BCAS3: variants seen among roughly 807,000 people sequenced by gnomAD.
The protein encoded by BCAS3 is BCAS4/BCAS3 fusion.
Under a neutral mutation model 116.1 loss-of-function variants are expected in BCAS3, and 53 were observed. The ratio of observed to expected loss-of-function variants is 0.46; its 90% CI spans 0.37 to 0.57. The LOEUF (loss-of-function observed/expected upper bound fraction) is 0.57. Ranked by LOEUF, BCAS3 falls within the 20% of genes least tolerant of loss-of-function variation. The pLI, the probability that BCAS3 is intolerant of heterozygous loss-of-function variation, is 0.00. For synonymous variants in BCAS3, 391 were observed against 408.2 expected, an observed-to-expected ratio of 0.96 and a Z score of 0.51; for missense variants, 917 against 1,165.4, an observed-to-expected ratio of 0.79 and a Z score of 3.10.
chr17:61,257,330 A>G (rs935524395), intron 22 of BCAS3, among the ~76,000 whole-genome samples: 1 of 151,406 alleles, frequency 6.6e-6, no homozygotes, highest in East Asian at 2.0e-4. Context: ...CTAAGGCAGA[A>G]GAATCGCGTG....
At chr17:60,892,923 A>G (rs536056927) in intron 10 of BCAS3, among the ~76,000 whole-genome samples, 4 of 151,280 alleles carry the variant, frequency 2.6e-5, no homozygotes, top group African/African-American at 9.8e-5. Context: ...ACTCTGTCTC[A>G]AAAATAAAAA....
At chr17:60,983,659 G>A (rs1003764668) in intron 14 of BCAS3, among the ~76,000 whole-genome samples, 4 of 152,074 alleles carry the variant, frequency 2.6e-5, no homozygotes, top group Non-Finnish European at 4.4e-5. Context: ...GTCTAAAAAT[G>A]AAAGAAAGAA....
intron 22 of BCAS3, among the ~76,000 whole-genome samples, chr17:61,152,733 C>G (rs1431127578): frequency 6.6e-6 from 1 of 151,866 alleles, no homozygotes; most frequent in Non-Finnish European, 1.5e-5. Flanking sequence ...AAAAAATACC[C>G]CAATACTGCA....
intron 22 of BCAS3, among the ~76,000 whole-genome samples, chr17:61,272,404 G>A (rs1050102191): frequency 1.3e-5 from 2 of 151,806 alleles, no homozygotes; most frequent in African/African-American, 2.4e-5. Context: ...AGGCTGAGGC[G>A]GGCAGATTGC....
chr17:60,879,876 A>C (rs1244618937), intron 9 of BCAS3, among the ~76,000 whole-genome samples: 1 of 152,256 alleles, frequency 6.6e-6, no homozygotes, highest in East Asian at 1.9e-4. Flanking sequence ...TATGTGAAGA[A>C]ACAAGTTTGT....
chr17:60,810,225 G>T, intron 7 of BCAS3: 1 of 437,232 alleles, frequency 2.3e-6, no homozygotes, highest in South Asian at 1.9e-5. Context: ...GCTCTGTGCA[G>T]GTGCCCAGCT....
chr17:61,326,464 C>T lies in BCAS3; in HGVS notation c.2426-41863C>T, dbSNP rs2055738743. Among the ~76,000 whole-genome samples, 1 of 152,134 alleles carries T rather than the reference C, an allele frequency of 6.6e-6. No homozygotes were observed. Among genetic ancestry groups the T allele is most frequent in the East Asian group, 1.9e-4 (1 of 5,196 alleles). ...AGCAGAGGGTGAGTTTTGAAAAGAT[C>T]ACTCTGACCTTACTGTGGAAGACAG... On this transcript the variant is annotated intron_variant, in intron 22 of 23. Coordinates refer to ENST00000407086, the MANE Select transcript of BCAS3 (RefSeq NM_017679.5). This position sits in a 1 kb window ranked among gnomAD's most constrained non-coding sequence, Gnocchi z 5.3.
At chr17:61,001,629 T>C (rs1338403079) in intron 15 of BCAS3, among the ~76,000 whole-genome samples, 1 of 152,170 alleles carries the variant, frequency 6.6e-6, no homozygotes, top group Non-Finnish European at 1.5e-5. Flanking sequence ...ATAGAGTATA[T>C]AAATAGTATA....
intron 5 of BCAS3, among the ~76,000 whole-genome samples, chr17:60,736,772 T>C (rs1288446610): frequency 6.6e-6 from 1 of 152,156 alleles, no homozygotes; most frequent in East Asian, 1.9e-4. Context: ...AAGGGGTTGG[T>C]CCATTTCATC....
At chr17:61,255,893 G>A (rs1568680665) in intron 22 of BCAS3, among the ~76,000 whole-genome samples, 1 of 152,150 alleles carries the variant, frequency 6.6e-6, no homozygotes, top group Admixed American at 6.5e-5. Context: ...CAAGGTGGAT[G>A]GTTTTCTTAC....
At chr17:60,912,144 G>T (rs1278320913) in intron 12 of BCAS3, among the ~76,000 whole-genome samples, 2 of 151,968 alleles carry the variant, frequency 1.3e-5, no homozygotes, top group Non-Finnish European at 2.9e-5. Context: ...TTAAAGGAAG[G>T]TAATTTTTTT....
intron 7 of BCAS3, among the ~76,000 whole-genome samples, chr17:60,816,894 T>C (rs1466392383): frequency 3.3e-5 from 5 of 152,128 alleles, no homozygotes; most frequent in African/African-American, 1.2e-4. Context: ...TAACTGATCT[T>C]AGGGTTATAG....
At chr17:61,030,304 A>G (rs1370007307) in intron 16 of BCAS3, among the ~76,000 whole-genome samples, 1 of 152,020 alleles carries the variant, frequency 6.6e-6, no homozygotes, top group East Asian at 1.9e-4. Context: ...CTGTCCACAG[A>G]TACTTCACAT....
intron 4 of BCAS3, among the ~76,000 whole-genome samples, chr17:60,699,162 T>C (rs1030435185): frequency 3.9e-5 from 6 of 152,206 alleles, no homozygotes; most frequent in Non-Finnish European, 8.8e-5. Flanking sequence ...TTTGATGATG[T>C]ACACAAAAGC....
chr17:61,358,739 G>A (rs564603170), intron 22 of BCAS3, among the ~76,000 whole-genome samples: 13 of 151,904 alleles, frequency 8.6e-5, no homozygotes, highest in East Asian at 7.7e-4. Flanking sequence ...CAGGTGATCC[G>A]CCTGCCTCAG....
rs547150650 is a variant in BCAS3 at position 61,229,408 on chromosome 17, C to G, written c.2426-138919C>G. Among the ~76,000 whole-genome samples, 2 of 152,216 alleles carry G rather than the reference C, an allele frequency of 1.3e-5. No homozygotes were observed. The highest frequency in any genetic ancestry group is 4.1e-4 in the South Asian group (2 of 4,824). On this transcript the variant is annotated intron_variant, in intron 22 of 23. Coordinates refer to ENST00000407086, the MANE Select transcript of BCAS3 (RefSeq NM_017679.5). This position sits in a 1 kb window ranked among gnomAD's most constrained non-coding sequence, Gnocchi z 4.4. Reference sequence around the variant, plus strand: ...GTTATCTAGAAGATCTAGCCAAGATCATTGATGAAGGTGGCTATGCTAAAC... The same window carrying G: ...GTTATCTAGAAGATCTAGCCAAGATGATTGATGAAGGTGGCTATGCTAAAC...
chr17:60,933,897 CTT>C (rs1475324271), intron 13 of BCAS3, among the ~76,000 whole-genome samples: 1 of 152,120 alleles, frequency 6.6e-6, no homozygotes, highest in Non-Finnish European at 1.5e-5. Flanking sequence ...TACTTACTCT[CTT>C]GTTTCATCAT....
At chr17:60,894,829 T>C (rs1249143014) in intron 10 of BCAS3, among the ~76,000 whole-genome samples, 1 of 152,222 alleles carries the variant, frequency 6.6e-6, no homozygotes, top group East Asian at 1.9e-4. Context: ...GATGATCATA[T>C]GGTTTTTGTC....
chr17:61,142,142 G>A (rs930800869), intron 22 of BCAS3, among the ~76,000 whole-genome samples: 12 of 151,452 alleles, frequency 7.9e-5, no homozygotes, highest in African/African-American at 2.7e-4. Context: ...GCTATGTACT[G>A]TATATACCTT....
Sources: gnomAD v4.1 joint callset for allele counts (sites outside exome capture counted in the v4.1 genomes callset) on GRCh38, gnomAD v4.1.1 for gene constraint, Gnocchi (gnomAD v3.1) non-coding constraint, MANE v1.5 for transcripts, NCBI Gene and HGNC (gene_info 2026-07-23, HGNC 2026-07-21) for gene names.